The following PDE4D variants were observed in gnomAD, a reference collection of about 807,000 sequenced individuals.
The protein encoded by PDE4D is phosphodiesterase 4D.
PDE4D carries 24 observed loss-of-function variants against 87.4 expected under a neutral mutation model. The ratio of observed to expected loss-of-function variants is 0.27; its 90% CI spans 0.20 to 0.39. The LOEUF (loss-of-function observed/expected upper bound fraction) is 0.39. PDE4D is among the 10% of genes least tolerant of loss of function. The pLI, the probability that PDE4D is intolerant of heterozygous loss-of-function variation, is 1.00. For synonymous variants in PDE4D, 384 were observed against 383.2 expected, an observed-to-expected ratio of 1.00 and a Z score of -0.02; for missense variants, 714 against 1,041.0, an observed-to-expected ratio of 0.69 and a Z score of 4.32.
chr5:60,262,438 G>A (rs954521013), intron 1 of PDE4D: 4 of 152,012 alleles, frequency 2.6e-5, no homozygotes, highest in Admixed American at 2.0e-4. Context: ...TCTGAGCCTC[G>A]GCTTCTTCCT....
At chr5:59,907,068 G>A (rs1468221634) in intron 3 of PDE4D, among the ~76,000 whole-genome samples, 1 of 152,132 alleles carries the variant, frequency 6.6e-6, no homozygotes, top group Non-Finnish European at 1.5e-5. Context: ...ATGAGATAAT[G>A]TCACTGGCGG....
chr5:59,468,381 C>T (rs1188491350), intron 1 of PDE4D, among the ~76,000 whole-genome samples: 3 of 152,112 alleles, frequency 2.0e-5, no homozygotes, highest in African/African-American at 2.4e-5. Context: ...TGTTCTACAT[C>T]AGGCAGCTGC....
At chr5:59,804,405 C>A (rs903496924) in intron 1 of PDE4D, among the ~76,000 whole-genome samples, 3 of 152,164 alleles carry the variant, frequency 2.0e-5, no homozygotes, top group African/African-American at 7.2e-5. Flanking sequence ...ACCACATTTT[C>A]TTTATCCACT....
rs572330896 is a variant in PDE4D at position 59,666,640 on chromosome 5, A to T, written c.455+226528T>A. On this transcript the variant is annotated intron_variant, in intron 1 of 14. Transcript: ENST00000340635. ...GTGCACTTTATTCATAGGAATGCAT[A>T]GCGTGGCTTACTGGTACTGAAAAAG... Among the ~76,000 whole-genome samples the T allele has an allele frequency of 2.0e-5, 3 of 152,366 alleles. No homozygotes were observed. In the South Asian group the frequency reaches 6.2e-4, roughly 32 times the overall value.
intron 2 of PDE4D, among the ~76,000 whole-genome samples, chr5:60,104,393 G>A (rs531444168): frequency 3.1e-4 from 47 of 152,334 alleles, no homozygotes; most frequent in African/African-American, 1.1e-3. Flanking sequence ...ACAGCTCAAG[G>A]AGGCCTGCCT....
intron 1 of PDE4D, among the ~76,000 whole-genome samples, chr5:59,575,676 T>C (rs1473332978): frequency 6.6e-6 from 1 of 152,134 alleles, no homozygotes; most frequent in African/African-American, 2.4e-5. Flanking sequence ...CTGAAATTAA[T>C]ATTAAAAGCC....
chr5:59,448,614 G>A lies in PDE4D; in HGVS notation c.456-232646C>T, dbSNP rs141594090. The stretch of plus-strand genomic sequence containing the variant: ...AATATGGAGAGTAAAAAGGAAGAAT[G>A]TAGAATAATGTAGTAGAATGTTGTA... On this transcript the variant is annotated intron_variant, in intron 1 of 14. Transcript: ENST00000340635. Among the ~76,000 whole-genome samples the A allele has an allele frequency of 2.3e-3, 356 of 152,304 alleles. 3 individuals carry two copies. The highest frequency in any genetic ancestry group is 8.1e-3 in the African/African-American group (336 of 41,560).
chr5:59,080,967 T>C (rs551758662), intron 5 of PDE4D, among the ~76,000 whole-genome samples: 2 of 152,318 alleles, frequency 1.3e-5, no homozygotes, highest in African/African-American at 4.8e-5. Context: ...AAAAAGTTCT[T>C]CATTGACATC....
intron 1 of PDE4D, among the ~76,000 whole-genome samples, chr5:59,593,997 G>T (rs943442830): frequency 2.6e-5 from 4 of 152,056 alleles, no homozygotes; most frequent in Admixed American, 1.3e-4. Context: ...ACCTGCTGGG[G>T]TTTTTTGTTC....
At chr5:59,535,228 T>C (rs1381649878) in intron 1 of PDE4D, among the ~76,000 whole-genome samples, 1 of 152,080 alleles carries the variant, frequency 6.6e-6, no homozygotes, top group East Asian at 1.9e-4. Flanking sequence ...TGTGAACCTC[T>C]AAAGCAGCGG....
chr5:59,134,146 A>C (rs768383864), intron 5 of PDE4D, among the ~76,000 whole-genome samples: 1 of 149,524 alleles, frequency 6.7e-6, no homozygotes, highest in Non-Finnish European at 1.5e-5. Flanking sequence ...TCATAAAGCT[A>C]GCATGTAAGC....
At chr5:59,520,875 A>G (rs1224777852) in intron 1 of PDE4D, among the ~76,000 whole-genome samples, 1 of 146,526 alleles carries the variant, frequency 6.8e-6, no homozygotes, top group East Asian at 2.0e-4. Context: ...ACACACACAC[A>G]TATACATATA....
chr5:59,203,012 C>A (rs1747869411), intron 2 of PDE4D, among the ~76,000 whole-genome samples: 1 of 152,080 alleles, frequency 6.6e-6, no homozygotes, highest in Non-Finnish European at 1.5e-5. Context: ...AAACAAATAA[C>A]CTGATTTTAA....
intron 2 of PDE4D, among the ~76,000 whole-genome samples, chr5:60,099,317 C>T (rs752421836): frequency 5.9e-5 from 9 of 151,790 alleles, no homozygotes; most frequent in Non-Finnish European, 1.0e-4. Context: ...GCATTTGAGC[C>T]TCACTAATCT....
intron 1 of PDE4D, among the ~76,000 whole-genome samples, chr5:60,360,877 C>T (rs1434080992): frequency 1.3e-5 from 2 of 152,186 alleles, no homozygotes; most frequent in African/African-American, 4.8e-5. Flanking sequence ...CTTCACTCCA[C>T]GACTAATCAT....
intron 3 of PDE4D, among the ~76,000 whole-genome samples, chr5:59,949,365 G>A (rs1246844280): frequency 4.0e-5 from 6 of 149,994 alleles, no homozygotes; most frequent in African/African-American, 7.5e-5. Context: ...CCTGGGAGGC[G>A]GAGCTTGCAG....
intron 1 of PDE4D, among the ~76,000 whole-genome samples, chr5:60,312,338 AC>A (rs532968707): frequency 9.8e-5 from 15 of 152,338 alleles, no homozygotes; most frequent in Middle Eastern, 3.4e-3. Flanking sequence ...CGGAAATCAT[AC>A]CAACCACACT....
At chr5:59,617,968 G>C (rs62355584) in intron 1 of PDE4D, among the ~76,000 whole-genome samples, 11,436 of 151,708 alleles carry the variant, frequency 0.075, 590 homozygotes, top group Admixed American at 0.14. Flanking sequence ...TTCAACTACT[G>C]ACTTTCCCTT....
In PDE4D at chr5:60,251,129, T is replaced by C. The variant is rs529172524; in HGVS notation, c.-89-65442A>G. Among the ~76,000 whole-genome samples the C allele has an allele frequency of 4.6e-5, 7 of 152,122 alleles. No homozygotes were observed. In the South Asian group the frequency reaches 1.2e-3, roughly 27 times the overall value. ...ATATTTTTGTACAGCTATATGGTGC[T>C]TTACGTTTTAAGTAGTGTTATTACA... On this transcript the variant is annotated intron_variant, in intron 1 of 16. Coordinates refer to the PDE4D transcript ENST00000502484.
Sources: gnomAD v4.1 joint callset for allele counts (sites outside exome capture counted in the v4.1 genomes callset) on GRCh38, gnomAD v4.1.1 for gene constraint, MANE v1.5 for transcripts, NCBI Gene and HGNC (gene_info 2026-07-23, HGNC 2026-07-21) for gene names.